The following CCDC178 variants were observed in gnomAD, a reference collection of about 807,000 sequenced individuals.
CCDC178 encodes the protein coiled-coil domain containing 178, also known as coiled-coil domain-containing protein 178.
CCDC178 carries 126 observed loss-of-function variants against 117.4 expected under a neutral mutation model. The ratio of observed to expected loss-of-function variants is 1.07; its 90% CI spans 0.93 to 1.24. CCDC178 has a LOEUF of 1.24. Ranked by LOEUF, CCDC178 falls within the 50% of genes most tolerant of loss-of-function variation. The pLI is 0.00. For synonymous variants in CCDC178, 283 were observed against 313.4 expected (o/e 0.90, Z 1.02); for missense variants, 1,030 against 986.9 (o/e 1.04, Z -0.59).
intron 20 of CCDC178, among the ~76,000 whole-genome samples, chr18:33,102,889 T>C (rs949427682): frequency 6.6e-5 from 10 of 151,846 alleles, no homozygotes; most frequent in African/African-American, 2.2e-4. Context: ...CTCATACTCA[T>C]TGGTTTACAT....
chr18:33,387,288 C>A (rs1042555597), intron 5 of CCDC178, among the ~76,000 whole-genome samples: 2 of 152,036 alleles, frequency 1.3e-5, no homozygotes, highest in African/African-American at 4.8e-5. Flanking sequence ...GTTCCCAAAG[C>A]AATTTATAGA....
At position 33,200,980 on chromosome 18, in the gene CCDC178, T is replaced by C. The variant is rs74821713; in HGVS notation, c.2238+10916A>G. 7.1e-3 allele frequency among the ~76,000 whole-genome samples: 1,084 copies of C among 152,342 alleles called. 10 individuals carry two copies. Among genetic ancestry groups the C allele is most frequent in the African/African-American group, 0.025 (1,034 of 41,586 alleles). ...ATAGTTTATCTTTTCCAAAGTAAACTGAAATATAAATTTTACTTTTTCACT... is the reference window on the plus strand; with the variant it reads ...ATAGTTTATCTTTTCCAAAGTAAACCGAAATATAAATTTTACTTTTTCACT... On this transcript the variant is annotated intron_variant, in intron 20 of 22. Transcript: ENST00000383096.
chr18:33,069,769 A>T (rs1439915807), intron 21 of CCDC178, among the ~76,000 whole-genome samples: 1 of 152,244 alleles, frequency 6.6e-6, no homozygotes, highest in East Asian at 1.9e-4. Flanking sequence ...AAATGTTTGC[A>T]AACTATCCAA....
At chr18:33,239,110 G>C (rs1039970068) in intron 15 of CCDC178, among the ~76,000 whole-genome samples, 1 of 152,126 alleles carries the variant, frequency 6.6e-6, no homozygotes, top group East Asian at 1.9e-4. Context: ...GGCCTTAAAA[G>C]AAAGGCCCAA....
chr18:33,397,751 T>C (rs1599269531), intron 3 of CCDC178, among the ~76,000 whole-genome samples: 2 of 152,150 alleles, frequency 1.3e-5, no homozygotes, highest in South Asian at 2.1e-4. Context: ...GTGACATAAA[T>C]AATACAGCAT....
chr18:33,221,072 C>T (rs1599017715), intron 18 of CCDC178, among the ~76,000 whole-genome samples: 4 of 152,180 alleles, frequency 2.6e-5, no homozygotes, highest in Admixed American at 6.6e-5. Flanking sequence ...AATTCACTCA[C>T]TTCATTTTTT....
chr18:33,048,997 A>C (rs1008899003), intron 21 of CCDC178, among the ~76,000 whole-genome samples: 1 of 152,136 alleles, frequency 6.6e-6, no homozygotes, highest in Non-Finnish European at 1.5e-5. Context: ...TTAGAGATAA[A>C]ATTAAAAATT....
At chr18:33,010,627 C>T (rs987107221) in intron 21 of CCDC178, among the ~76,000 whole-genome samples, 8 of 152,132 alleles carry the variant, frequency 5.3e-5, no homozygotes, top group Non-Finnish European at 8.8e-5. Flanking sequence ...TGTCAAAGTG[C>T]CAAAACTTAA....
At chr18:33,201,354 C>T (rs187979668) in intron 20 of CCDC178, among the ~76,000 whole-genome samples, 1 of 152,314 alleles carries the variant, frequency 6.6e-6, no homozygotes, top group Admixed American at 6.5e-5. Context: ...GTACTTGCCC[C>T]TTTCATCTTT....
At chr18:33,324,275 A>T (rs2062556418) in intron 10 of CCDC178, among the ~76,000 whole-genome samples, 1 of 151,846 alleles carries the variant, frequency 6.6e-6, no homozygotes, top group Non-Finnish European at 1.5e-5. Flanking sequence ...ACTCATTGTC[A>T]ATTATATGAG....
chr18:33,063,137 G>A (rs2056954394), intron 21 of CCDC178, among the ~76,000 whole-genome samples: 1 of 152,112 alleles, frequency 6.6e-6, no homozygotes, highest in South Asian at 2.1e-4. Flanking sequence ...CCTGAGGACA[G>A]GCCTGCTCCA....
At chr18:33,141,171 G>A (rs530403994) in intron 20 of CCDC178, among the ~76,000 whole-genome samples, 1 of 152,258 alleles carries the variant, frequency 6.6e-6, no homozygotes, top group South Asian at 2.1e-4. Context: ...TTTATCAGCA[G>A]CATGAAAACA....
chr18:33,401,364 G>A (rs371183669), intron 3 of CCDC178, among the ~76,000 whole-genome samples: 3 of 152,106 alleles, frequency 2.0e-5, no homozygotes, highest in Admixed American at 6.5e-5. Context: ...GCAATAAAGT[G>A]AAGTGCAATA....
intron 15 of CCDC178, among the ~76,000 whole-genome samples, chr18:33,232,167 A>G (rs1229383816): frequency 6.6e-6 from 1 of 152,154 alleles, no homozygotes; most frequent in African/African-American, 2.4e-5. Flanking sequence ...GGGCACATTC[A>G]ACAGTCACCT....
chr18:33,361,890 T>C (rs998183837), intron 6 of CCDC178, among the ~76,000 whole-genome samples: 5 of 151,742 alleles, frequency 3.3e-5, no homozygotes, highest in African/African-American at 4.8e-5. Context: ...GAAAACAGTA[T>C]GGAGGTTCCT....
intron 21 of CCDC178, among the ~76,000 whole-genome samples, chr18:32,995,789 C>T (rs557177984): frequency 1.3e-5 from 2 of 151,846 alleles, no homozygotes; most frequent in South Asian, 4.1e-4. Context: ...AGATTAATTG[C>T]TGACAAATTA....
chr18:33,021,135 G>A lies in CCDC178; in HGVS notation c.2389-46454C>T, dbSNP rs78665846. ...AATTCATAGGTTCATTAATTGAAGC[G>A]ACATGATAATGCAGAAATACATAAC... On this transcript the variant is annotated intron_variant, in intron 21 of 22. Transcript: ENST00000383096. 8.2e-3 allele frequency among the ~76,000 whole-genome samples: 1,253 copies of A among 152,234 alleles called. 10 individuals are homozygous for A. The highest frequency in any genetic ancestry group is 0.015 in the South Asian group (73 of 4,824).
chr18:33,213,489 A>G (rs2059130305), intron 19 of CCDC178, among the ~76,000 whole-genome samples: 1 of 151,954 alleles, frequency 6.6e-6, no homozygotes, highest in South Asian at 2.1e-4. Context: ...AACCAATGAA[A>G]TTCACACAGG....
intron 15 of CCDC178, among the ~76,000 whole-genome samples, chr18:33,228,590 T>C (rs573093663): frequency 6.6e-6 from 1 of 152,354 alleles, no homozygotes; most frequent in South Asian, 2.1e-4. Context: ...AGTGGACAAA[T>C]TTGTACACTG....
Sources: gnomAD v4.1 joint callset for allele counts (sites outside exome capture counted in the v4.1 genomes callset) on GRCh38, gnomAD v4.1.1 for gene constraint, MANE v1.5 for transcripts, NCBI Gene and HGNC (gene_info 2026-07-23, HGNC 2026-07-21) for gene names.